PEX5L: variants seen among roughly 807,000 people sequenced by gnomAD.
PEX5L encodes PEX5-related protein.
A neutral mutation model predicts 84.0 loss-of-function variants in PEX5L; 30 were observed. The ratio of observed to expected loss-of-function variants is 0.36; its 90% CI spans 0.27 to 0.48. PEX5L has a LOEUF of 0.48. PEX5L is among the 20% of genes least tolerant of loss of function. PEX5L has a pLI of 0.99. For missense variants in PEX5L, 533 were observed against 754.6 expected, an observed-to-expected ratio of 0.71 and a Z score of 3.44; for synonymous variants, 270 against 283.1, an observed-to-expected ratio of 0.95 and a Z score of 0.46.
At chr3:179,832,432 T>C (rs1303975633) in intron 8 of PEX5L, among the ~76,000 whole-genome samples, 3 of 130,286 alleles carry the variant, frequency 2.3e-5, no homozygotes, top group Admixed American at 8.0e-5. Context: ...GCCTACCCAC[T>C]AACCTTCCTA....
At chr3:179,871,225 C>A (rs142993612) in intron 7 of PEX5L, among the ~76,000 whole-genome samples, 1 of 151,582 alleles carries the variant, frequency 6.6e-6, no homozygotes, top group African/African-American at 2.4e-5. Context: ...GCCTCAGCCT[C>A]CTGCGTAGCT....
At position 179,855,024 on chromosome 3, in the gene PEX5L, G is replaced by A. The variant is rs573297214; in HGVS notation, c.822+4038C>T. Among the ~76,000 whole-genome samples the A allele has an allele frequency of 5.9e-5, 9 of 152,302 alleles. 1 individual carries two copies. Among genetic ancestry groups the A allele is most frequent in the African/African-American group, 2.2e-4 (9 of 41,570 alleles). On this transcript the variant is annotated intron_variant, in intron 8 of 14. Coordinates refer to ENST00000467460, the MANE Select transcript of PEX5L (RefSeq NM_016559.3). Reference sequence around the variant, plus strand: ...GTCAAGAAGGAACCTGCCACCTGAAGATCGGAGGAAAGAGTGTTCCATATA... The same window carrying A: ...GTCAAGAAGGAACCTGCCACCTGAAAATCGGAGGAAAGAGTGTTCCATATA...
At chr3:179,973,744 A>C (rs748548523) in intron 1 of PEX5L, 2 of 985,394 alleles carry the variant, frequency 2.0e-6, no homozygotes, top group Non-Finnish European at 2.4e-6. Context: ...TATCTAATTT[A>C]GTAGTAAATT....
chr3:179,909,554 C>T (rs1474214489), intron 2 of PEX5L, among the ~76,000 whole-genome samples: 1 of 152,112 alleles, frequency 6.6e-6, no homozygotes, highest in Non-Finnish European at 1.5e-5. Context: ...TAGCCACAAG[C>T]AGATAATAAC....
intron 1 of PEX5L, among the ~76,000 whole-genome samples, chr3:179,995,891 G>GA (rs1787846729): frequency 6.6e-6 from 1 of 152,306 alleles, no homozygotes; most frequent in East Asian, 1.9e-4. Context: ...TTGGAATGGG[G>GA]ACGTGTGGGA....
At chr3:179,952,343 A>G (rs775064948) in intron 2 of PEX5L, among the ~76,000 whole-genome samples, 13 of 152,132 alleles carry the variant, frequency 8.5e-5, no homozygotes, top group African/African-American at 1.4e-4. Flanking sequence ...TTAAAACTGT[A>G]TATTTCAGAA....
chr3:179,819,287 G>T (rs1253898619), intron 9 of PEX5L, among the ~76,000 whole-genome samples: 1 of 152,102 alleles, frequency 6.6e-6, no homozygotes, highest in Non-Finnish European at 1.5e-5. Flanking sequence ...TGAGTGATTT[G>T]GCTGGTTGTT....
Position 179,808,377 on chromosome 3 carries a change from C to T in PEX5L, c.1413G>A (p.Met471Ile), listed in dbSNP as rs755391861. The T allele has an allele frequency of 1.9e-6, 3 of 1,591,050 alleles. No individual in the cohort carries two copies. Among genetic ancestry groups the T allele is most frequent in the Non-Finnish European group, 2.6e-6 (3 of 1,169,936 alleles). ...YLEAAHQNGDMIDPDLQTGLG... is the reference protein window; with the variant it reads ...YLEAAHQNGDIIDPDLQTGLG... ...GACCTGTCTGCAGGTCTGGGTCGAT[C>T]ATATCTCCATTTTGGTGGGCAGCTT... Residue 471 changes from methionine (M) to isoleucine (I), a missense_variant, in exon 13 of 15, where the codon ATG (methionine) becomes ATA (isoleucine). Met to Ile is a conservative substitution (Grantham distance 10, BLOSUM62 1). Transcript: ENST00000467460.
chr3:179,924,203 G>T (rs1524510), intron 2 of PEX5L, among the ~76,000 whole-genome samples: 118,730 of 152,036 alleles, frequency 0.78, 46,654 homozygotes, highest in African/African-American at 0.85. Flanking sequence ...TTTTGTTGCT[G>T]TGCTAGCTCA....
chr3:179,963,231 T>C (rs1379141098), intron 2 of PEX5L, among the ~76,000 whole-genome samples: 1 of 83,960 alleles, frequency 1.2e-5, no homozygotes, highest in Non-Finnish European at 2.4e-5. Flanking sequence ...GCTAGAACCT[T>C]GTTTACTCAC....
chr3:179,835,720 C>T lies in PEX5L; in HGVS notation c.823-15744G>A, dbSNP rs112499258. Among the ~76,000 whole-genome samples, 632 of 152,188 alleles carry T rather than the reference C, an allele frequency of 4.2e-3. 4 individuals are homozygous for T. Among genetic ancestry groups the T allele is most frequent in the African/African-American group, 0.015 (604 of 41,524 alleles). On this transcript the variant is annotated intron_variant, in intron 8 of 14. Coordinates refer to ENST00000467460, the MANE Select transcript of PEX5L (RefSeq NM_016559.3). ...TAACTAAATATTTAAGGAAAATAAA[C>T]GATAAACATGCTCTATTTTCATATG...
At chr3:179,936,444 A>T (rs1774636413) in intron 2 of PEX5L, among the ~76,000 whole-genome samples, 1 of 152,186 alleles carries the variant, frequency 6.6e-6, no homozygotes, top group Admixed American at 6.5e-5. Context: ...ACCCAGTAAA[A>T]TAGTGCCTGG....
intron 1 of PEX5L, among the ~76,000 whole-genome samples, chr3:179,995,798 C>T (rs936603791): frequency 1.3e-5 from 2 of 152,142 alleles, no homozygotes; most frequent in African/African-American, 2.4e-5. Context: ...GGCTGACCTG[C>T]AACGAAAGGT....
chr3:179,925,304 A>G (rs1475433243), intron 2 of PEX5L, among the ~76,000 whole-genome samples: 1 of 152,300 alleles, frequency 6.6e-6, no homozygotes, highest in South Asian at 2.1e-4. Flanking sequence ...CCTACTCCCC[A>G]TCTGCCTAGC....
intron 1 of PEX5L, among the ~76,000 whole-genome samples, chr3:180,017,401 C>G (rs1790038523): frequency 6.6e-6 from 1 of 152,116 alleles, no homozygotes; most frequent in Non-Finnish European, 1.5e-5. Context: ...TTATACATTC[C>G]TAAAATGTAT....
intron 4 of PEX5L, among the ~76,000 whole-genome samples, chr3:179,886,701 CA>C (rs1388396580): frequency 2.0e-5 from 3 of 152,154 alleles, no homozygotes; most frequent in African/African-American, 7.2e-5. Context: ...CTGTCTATCT[CA>C]TGCTAGTTAC....
At chr3:180,030,692 A>G (rs932589558) in intron 1 of PEX5L, among the ~76,000 whole-genome samples, 31 of 152,172 alleles carry the variant, frequency 2.0e-4, no homozygotes, top group African/African-American at 7.2e-4. Context: ...TGGCATCACA[A>G]CAACACCGTT....
intron 4 of PEX5L, among the ~76,000 whole-genome samples, chr3:179,880,543 C>T (rs1410846627): frequency 6.6e-6 from 1 of 152,088 alleles, no homozygotes; most frequent in Non-Finnish European, 1.5e-5. Flanking sequence ...TAATTTTAAA[C>T]AATAAAGTAT....
chr3:179,819,857 T>C lies in PEX5L; in HGVS notation c.939+3A>G. 6.2e-7 allele frequency: 1 copy of C among 1,613,498 alleles called. No homozygotes were observed. Among genetic ancestry groups the C allele is most frequent in the South Asian group, 1.1e-5 (1 of 91,058 alleles). On this transcript the variant is annotated splice_donor_region_variant and intron_variant, in intron 9 of 14. Transcript: ENST00000467460. ...CAGCATGTATAGGAACAGAATTGGT[T>C]ACCTTCTCACTAGCCGAGATGGTTA...
Sources: allele counts gnomAD v4.1 joint callset (sites outside exome capture counted in the v4.1 genomes callset), GRCh38; gene constraint gnomAD v4.1.1; transcripts MANE v1.5; gene names NCBI Gene and HGNC (gene_info 2026-07-23, HGNC 2026-07-21).